Variants in DACH1 observed in about 807,000 individuals in gnomAD.
The protein encoded by DACH1 is dachshund family transcription factor 1.
In DACH1, 12 loss-of-function variants were observed where a neutral mutation model predicts 54.2. The ratio of observed to expected loss-of-function variants is 0.22; its 90% CI spans 0.14 to 0.36. DACH1 has a LOEUF of 0.36. Among genes scored for constraint, DACH1 ranks in the 10% least tolerant of loss-of-function variants. DACH1 has a pLI of 1.00. For missense variants in DACH1, 805 were observed against 929.8 expected, an observed-to-expected ratio of 0.87 and a Z score of 1.75; for synonymous variants, 386 against 366.2, an observed-to-expected ratio of 1.05 and a Z score of -0.62.
intron 1 of DACH1, among the ~76,000 whole-genome samples, chr13:71,745,824 G>A (rs143459284): frequency 1.4e-3 from 209 of 152,122 alleles, no homozygotes; most frequent in Middle Eastern, 0.014. Flanking sequence ...ATACCTAGAG[G>A]GGTTACCATG....
intron 10 of DACH1, among the ~76,000 whole-genome samples, chr13:71,458,760 G>A (rs183213259): frequency 7.9e-5 from 12 of 151,854 alleles, no homozygotes; most frequent in Admixed American, 5.9e-4. Flanking sequence ...AAAATCTAAT[G>A]CATAAGTATT....
intron 1 of DACH1, among the ~76,000 whole-genome samples, chr13:71,828,792 G>A (rs375322971): frequency 8.6e-5 from 13 of 151,816 alleles, no homozygotes; most frequent in African/African-American, 3.1e-4. Flanking sequence ...CTTCCATCCT[G>A]GCTTCTCTGG....
intron 2 of DACH1, among the ~76,000 whole-genome samples, chr13:71,644,051 G>T (rs1463554503): frequency 6.6e-6 from 1 of 152,090 alleles, no homozygotes; most frequent in African/African-American, 2.4e-5. Context: ...AAGGGAGGAG[G>T]GGGACATGTT....
At chr13:71,699,481 T>C (rs1185094714) in intron 1 of DACH1, among the ~76,000 whole-genome samples, 2 of 152,216 alleles carry the variant, frequency 1.3e-5, no homozygotes, top group Non-Finnish European at 2.9e-5. Context: ...GAGTAGTATA[T>C]CTTCCCAGAA....
chr13:71,651,680 C>A (rs9542727), intron 2 of DACH1, among the ~76,000 whole-genome samples: 3,854 of 121,712 alleles, frequency 0.032, 97 homozygotes, highest in African/African-American at 0.086. Flanking sequence ...GTATCTGTAT[C>A]TGTATATGTA....
At chr13:71,564,428 T>G (rs1884780694) in intron 4 of DACH1, among the ~76,000 whole-genome samples, 1 of 147,510 alleles carries the variant, frequency 6.8e-6, no homozygotes, top group African/African-American at 2.5e-5. Context: ...TTTATAAAAC[T>G]CGCCACAATA....
At chr13:71,510,848 T>C (rs1880720871) in intron 6 of DACH1, among the ~76,000 whole-genome samples, 1 of 151,974 alleles carries the variant, frequency 6.6e-6, no homozygotes, top group Non-Finnish European at 1.5e-5. Context: ...AATACTTTTA[T>C]CTCTATACTA....
rs531332128 is a variant in DACH1 at position 71,541,367 on chromosome 13, T to G, written c.1570+15657A>C. Among the ~76,000 whole-genome samples, 15 of 152,202 alleles carry G rather than the reference T, an allele frequency of 9.9e-5. No individual in the cohort carries two copies. In the South Asian group the frequency reaches 2.9e-3, roughly 29 times the overall value. ...TTAAACTTTATTGTATGTTTGAGCT[T>G]ATTTCACATAATGATCATGATTATA... On this transcript the variant is annotated intron_variant, in intron 6 of 10. Coordinates refer to ENST00000613252, the MANE Select transcript of DACH1 (RefSeq NM_080759.6).
chr13:71,734,220 A>C, intron 1 of DACH1, among the ~76,000 whole-genome samples: 1 of 53,182 alleles, frequency 1.9e-5, no homozygotes, highest in Non-Finnish European at 3.6e-5. Flanking sequence ...TATATCCCAT[A>C]TACGTATACC....
intron 6 of DACH1, among the ~76,000 whole-genome samples, chr13:71,496,437 G>T (rs964199296): frequency 2.0e-5 from 3 of 150,976 alleles, no homozygotes; most frequent in African/African-American, 7.3e-5. Context: ...GGATCTGGAG[G>T]CCATTATCTT....
chr13:71,657,543 A>G (rs1307974352), intron 2 of DACH1, among the ~76,000 whole-genome samples: 1 of 149,588 alleles, frequency 6.7e-6, no homozygotes, highest in Non-Finnish European at 1.5e-5. Context: ...TTCTTACTCC[A>G]GCCTGGGTGA....
At chr13:71,712,687 T>A (rs1407997592) in intron 1 of DACH1, among the ~76,000 whole-genome samples, 3 of 152,086 alleles carry the variant, frequency 2.0e-5, no homozygotes, top group African/African-American at 4.8e-5. Context: ...TAAACAAAAA[T>A]TTTTTTAATG....
chr13:71,865,243 C>T (rs990537241), intron 1 of DACH1, among the ~76,000 whole-genome samples: 4 of 152,218 alleles, frequency 2.6e-5, no homozygotes, highest in Non-Finnish European at 4.4e-5. Flanking sequence ...GCTGGCTTCC[C>T]CTCCGGGCTT....
chr13:71,601,128 C>T (rs990071625), intron 3 of DACH1, among the ~76,000 whole-genome samples: 4 of 151,860 alleles, frequency 2.6e-5, no homozygotes, highest in African/African-American at 4.8e-5. Context: ...AATTAATAGG[C>T]GAATAACGCA....
intron 10 of DACH1, among the ~76,000 whole-genome samples, chr13:71,458,012 T>C (rs1875735792): frequency 6.6e-6 from 1 of 151,984 alleles, no homozygotes; most frequent in Non-Finnish European, 1.5e-5. Context: ...TGCATTTTCT[T>C]AGTACTACAA....
intron 2 of DACH1, among the ~76,000 whole-genome samples, chr13:71,666,232 T>A (rs920145163): frequency 6.6e-6 from 1 of 152,208 alleles, no homozygotes; most frequent in African/African-American, 2.4e-5. Flanking sequence ...TTTTTACTTC[T>A]GTTGATTATA....
At chr13:71,835,306 A>C (rs1012580802) in intron 1 of DACH1, among the ~76,000 whole-genome samples, 1 of 152,090 alleles carries the variant, frequency 6.6e-6, no homozygotes, top group Non-Finnish European at 1.5e-5. Flanking sequence ...GAGCAAAAGG[A>C]CTGGAAGAAG....
chr13:71,748,910 T>TCTCTCTCTCTC (rs1566476977), intron 1 of DACH1, among the ~76,000 whole-genome samples: 1 of 39,226 alleles, frequency 2.5e-5, no homozygotes, highest in African/African-American at 5.3e-5. Context: ...CTTTCTTTCT[T>TCTCTCTCTCTC]TCTTTCTTTC....
intron 3 of DACH1, among the ~76,000 whole-genome samples, chr13:71,621,772 A>C (rs1489890412): frequency 6.6e-6 from 1 of 152,084 alleles, no homozygotes; most frequent in Non-Finnish European, 1.5e-5. Flanking sequence ...CAGCGATATT[A>C]ACTAACAGAT....
Sources: allele counts gnomAD v4.1 joint callset (sites outside exome capture counted in the v4.1 genomes callset), GRCh38; gene constraint gnomAD v4.1.1; transcripts MANE v1.5; gene names NCBI Gene and HGNC (gene_info 2026-07-23, HGNC 2026-07-21).